DPP6: variants seen among roughly 807,000 people sequenced by gnomAD.
The protein encoded by DPP6 is dipeptidyl peptidase like 6.
Under a neutral mutation model 122.6 loss-of-function variants are expected in DPP6, and 69 were observed. The observed-to-expected ratio is 0.56, with a 90% confidence interval of 0.46 to 0.69. The LOEUF (loss-of-function observed/expected upper bound fraction) is 0.69. Ranked by LOEUF, DPP6 falls within the 30% of genes least tolerant of loss-of-function variation. The pLI, the probability that DPP6 is intolerant of heterozygous loss-of-function variation, is 0.00. For missense variants in DPP6, 928 were observed against 1,116.9 expected (o/e 0.83, Z 2.41); for synonymous variants, 418 against 433.1 (o/e 0.97, Z 0.43).
At chr7:154,354,020 C>T (rs375211864) in intron 1 of DPP6, among the ~76,000 whole-genome samples, 12 of 152,314 alleles carry the variant, frequency 7.9e-5, no homozygotes, top group African/African-American at 2.6e-4. Flanking sequence ...TGCCATGTGT[C>T]AAGCACTGTG....
At chr7:154,244,527 C>T (rs1801848474) in intron 1 of DPP6, among the ~76,000 whole-genome samples, 1 of 151,952 alleles carries the variant, frequency 6.6e-6, no homozygotes. Context: ...TTGAAGACAC[C>T]TGACTGTAAA....
chr7:154,191,966 A>C (rs1798636428), intron 1 of DPP6, among the ~76,000 whole-genome samples: 2 of 152,232 alleles, frequency 1.3e-5, no homozygotes, highest in South Asian at 4.1e-4. Context: ...TTATCGACTA[A>C]GAAAAAGAGG....
At chr7:154,691,736 T>G (rs1333854037) in intron 7 of DPP6, among the ~76,000 whole-genome samples, 1 of 152,016 alleles carries the variant, frequency 6.6e-6, no homozygotes, top group East Asian at 1.9e-4. Context: ...GGAGAATCGC[T>G]TGTGCCCGGG....
At chr7:154,703,754 G>A (rs557229373) in intron 7 of DPP6, among the ~76,000 whole-genome samples, 13 of 152,136 alleles carry the variant, frequency 8.5e-5, no homozygotes, top group South Asian at 2.1e-4. Context: ...GGCTAACACC[G>A]TGAAACCCCG....
At position 154,172,377 on chromosome 7, in the gene DPP6, G is replaced by A. The variant is rs1029378836; in HGVS notation, c.243+119314G>A. Among the ~76,000 whole-genome samples, 6 of 152,238 alleles carry A rather than the reference G, an allele frequency of 3.9e-5. No individual in the cohort carries two copies. In the East Asian group the frequency reaches 5.8e-4, roughly 15 times the overall value. On this transcript the variant is annotated intron_variant, in intron 1 of 25. Transcript: ENST00000377770. ...AAATGTGACTTGAGCAGCCTGCCCC[G>A]CCTCCTGTGTGAAGAAAGGCAGGAA...
At chr7:154,102,330 C>G (rs1229247156) in intron 1 of DPP6, among the ~76,000 whole-genome samples, 3 of 152,104 alleles carry the variant, frequency 2.0e-5, no homozygotes, top group Non-Finnish European at 4.4e-5. Flanking sequence ...GCTGGGATTA[C>G]AGGCACACAC....
At chr7:153,807,740 T>G in the DPP6 span, among the ~76,000 whole-genome samples, 1 of 151,874 alleles carries the variant, frequency 6.6e-6, no homozygotes, top group East Asian at 1.9e-4. Flanking sequence ...AGGGAGAATT[T>G]AGACAGAGAC....
At chr7:154,698,319 CT>C (rs34044499) in intron 7 of DPP6, among the ~76,000 whole-genome samples, 3,970 of 152,306 alleles carry the variant, frequency 0.026, 62 homozygotes, top group Non-Finnish European at 0.04. Flanking sequence ...CCTGTTATCA[CT>C]GATGCTGTGA....
At chr7:153,989,414 A>G (rs1195511466) in intron 1 of DPP6, among the ~76,000 whole-genome samples, 4 of 151,192 alleles carry the variant, frequency 2.6e-5, no homozygotes, top group Admixed American at 2.0e-4. Context: ...ACACGTGTGC[A>G]CACAGGGCGG....
intron 15 of DPP6, among the ~76,000 whole-genome samples, chr7:154,805,976 C>A (rs1032299063): frequency 1.3e-5 from 2 of 152,216 alleles, no homozygotes; most frequent in Admixed American, 6.5e-5. Flanking sequence ...CTGTTGCCCC[C>A]GCCCCACTGC....
chr7:154,778,258 A>G (rs1796707384), intron 10 of DPP6, among the ~76,000 whole-genome samples: 1 of 152,096 alleles, frequency 6.6e-6, no homozygotes, highest in African/African-American at 2.4e-5. Flanking sequence ...CACCATGTGG[A>G]GACCTAGCAC....
intron 5 of DPP6, among the ~76,000 whole-genome samples, chr7:154,573,356 T>C (rs1413683380): frequency 6.6e-6 from 1 of 152,174 alleles, no homozygotes; most frequent in Non-Finnish European, 1.5e-5. Context: ...CCTGCCGCCC[T>C]TTCTGCATCA....
At chr7:154,741,404 C>T (rs73498042) in intron 8 of DPP6, among the ~76,000 whole-genome samples, 1,898 of 152,306 alleles carry the variant, frequency 0.012, 38 homozygotes, top group African/African-American at 0.042. Context: ...GTGCATTCAG[C>T]GCAAGGCCAA....
Position 154,894,172 on chromosome 7 carries a change from G to C in DPP6, c.*1692G>C, listed in dbSNP as rs1206746544. ...TTCAATGGGCCTGAACGACTACAAA[G>C]CCAGCTAGGTCTGGAAGGGGAAGCC... On this transcript the variant is annotated 3_prime_UTR_variant, in exon 26 of 26. Transcript: ENST00000377770. The C allele has an allele frequency of 6.6e-6, 1 of 152,266 alleles. No individual in the cohort carries two copies. Among genetic ancestry groups the C allele is most frequent in the Non-Finnish European group, 1.5e-5 (1 of 68,066 alleles). The allele number at this position is 152,266 out of a possible 1,614,324, so 9.4% of individuals were successfully genotyped here.
intron 1 of DPP6, among the ~76,000 whole-genome samples, chr7:154,388,084 T>C (rs1271756811): frequency 6.6e-6 from 1 of 152,150 alleles, no homozygotes; most frequent in African/African-American, 2.4e-5. Flanking sequence ...GGAGTTTCAC[T>C]TGAGCCCAGA....
intron 1 of DPP6, among the ~76,000 whole-genome samples, chr7:154,372,901 G>A (rs1812798293): frequency 6.6e-6 from 1 of 152,166 alleles, no homozygotes; most frequent in South Asian, 2.1e-4. Context: ...CACCCAGGCT[G>A]AGGCCTTTGC....
chr7:154,391,649 C>T (rs1365957961), intron 1 of DPP6, among the ~76,000 whole-genome samples: 1 of 152,200 alleles, frequency 6.6e-6, no homozygotes, highest in Non-Finnish European at 1.5e-5. Context: ...CCTGATGAAG[C>T]CCCTGCTTCT....
intron 1 of DPP6, among the ~76,000 whole-genome samples, chr7:154,443,585 G>A (rs1273022786): frequency 6.7e-6 from 1 of 150,214 alleles, no homozygotes; most frequent in Non-Finnish European, 1.5e-5. Context: ...TGGATGGATG[G>A]ATGAGTGGAT....
Position 154,709,791 on chromosome 7 carries a change from C to A in DPP6, c.763-17976C>A, listed in dbSNP as rs148536078. Among the ~76,000 whole-genome samples the A allele has an allele frequency of 6.3e-3, 962 of 152,218 alleles. 13 individuals carry two copies. The highest frequency in any genetic ancestry group is 0.022 in the African/African-American group (920 of 41,534). On this transcript the variant is annotated intron_variant, in intron 7 of 25. Coordinates refer to ENST00000377770, the MANE Select transcript of DPP6 (RefSeq NM_130797.4). ...ATATCTCTCTCGCTTCTTCTTATTACTTTGTAGTAATTTTACTTCAGAAAA... is the reference window on the plus strand; with the variant it reads ...ATATCTCTCTCGCTTCTTCTTATTAATTTGTAGTAATTTTACTTCAGAAAA...
Sources: allele counts gnomAD v4.1 joint callset (sites outside exome capture counted in the v4.1 genomes callset), GRCh38; gene constraint gnomAD v4.1.1; transcripts MANE v1.5; gene names NCBI Gene and HGNC (gene_info 2026-07-23, HGNC 2026-07-21).